CAPN11: variants seen among roughly 807,000 people sequenced by gnomAD.
CAPN11 encodes the protein calpain-11.
CAPN11 carries 108 observed loss-of-function variants against 105.3 expected under a neutral mutation model. The ratio of observed to expected loss-of-function variants is 1.03; its 90% CI spans 0.88 to 1.20. The LOEUF is 1.20. Ranked by LOEUF, CAPN11 falls within the 50% of genes most tolerant of loss-of-function variation. The probability of loss-of-function intolerance (pLI) is 0.00; values close to 1 mark genes in which losing one functional copy is unlikely to be tolerated. For synonymous variants in CAPN11, 329 were observed against 344.5 expected (o/e 0.96, Z 0.50); for missense variants, 883 against 924.8 (o/e 0.95, Z 0.59).
At chr6:44,183,408 C>G (rs368150462) in intron 21 of CAPN11, 173 bp downstream of exon 21, 3 of 618,298 alleles carry the variant, frequency 4.9e-6, no homozygotes, top group Non-Finnish European at 5.8e-6. Flanking sequence ...GAGCAAGTCA[C>G]TTAATCTTTC....
In CAPN11 at chr6:44,169,450, T is replaced by G. The variant is rs1485818527; in HGVS notation, c.258T>G (p.Pro86=). Reference sequence around the variant, plus strand: ...AGCTCTTCGAGGACCCCTTATTCCCTGCTGAACCCAGCTCACTGGGCTTCA... The same window carrying G: ...AGCTCTTCGAGGACCCCTTATTCCCGGCTGAACCCAGCTCACTGGGCTTCA... ...KGELFEDPLF[P]AEPSSLGFKD... Residue 86 remains proline (P), a synonymous_variant, in exon 3 of 23, where the codon CCT becomes CCG. Transcript: ENST00000398776. 2.5e-6 allele frequency: 4 copies of G among 1,612,334 alleles called. No homozygotes were observed. Among genetic ancestry groups the G allele is most frequent in the Non-Finnish European group, 3.4e-6 (4 of 1,179,338 alleles).
chr6:44,165,810 G>A (rs892829802), intron 1 of CAPN11, among the ~76,000 whole-genome samples: 4 of 152,168 alleles, frequency 2.6e-5, no homozygotes, highest in Admixed American at 6.5e-5. Context: ...CTGGCAAAGC[G>A]ATGTCCTGAA....
rs777226238 is a variant in CAPN11, at chr6:44,184,188, TCTCA to T, written c.*257_*260del. The T allele has an allele frequency of 5.0e-4, 286 of 570,418 alleles. 1 individual carries two copies. Among genetic ancestry groups the T allele is most frequent in the Non-Finnish European group, 8.0e-4 (255 of 319,316 alleles). 35.3% of individuals were successfully genotyped at this position (570,418 alleles called of 1,614,324 possible). ...GGCTGGCTTTCCCCCACCATCGCTCTCTCAGAGTATATTTTACTAAAGAGTAGTT... is the reference window on the plus strand; with the variant it reads ...GGCTGGCTTTCCCCCACCATCGCTCTGAGTATATTTTACTAAAGAGTAGTT... On this transcript the variant is annotated 3_prime_UTR_variant, in exon 23 of 23. Transcript: ENST00000398776.
At position 44,164,841 on chromosome 6, in the gene CAPN11, G is replaced by A. The variant is rs142097272; in HGVS notation, c.17-1917G>A. 9.3e-4 allele frequency among the ~76,000 whole-genome samples: 141 copies of A among 151,956 alleles called. 1 individual carries two copies. The East Asian group carries it at 0.018, about 19-fold the overall frequency. On this transcript the variant is annotated intron_variant, in intron 1 of 22. Transcript: ENST00000398776. ...ATCTAAAGTACTGGGGAGGGGGAGC[G>A]GTATGTATAATCAGGTTTGCATTTT...
chr6:44,177,120 C>G lies in CAPN11; in HGVS notation c.1237+122C>G. 4 of 1,465,766 alleles carry G rather than the reference C, an allele frequency of 2.7e-6. No homozygotes were observed. The East Asian group carries it at 9.3e-5, about 34-fold the overall frequency. 90.8% of individuals were successfully genotyped at this position (1,465,766 alleles called of 1,614,324 possible). A position where few individuals can be genotyped will look rare whatever the true frequency, so the allele number is the denominator to read the frequency against. On this transcript the variant is annotated intron_variant, in intron 11 of 22. Coordinates refer to ENST00000398776, the MANE Select transcript of CAPN11 (RefSeq NM_007058.4). ...AGGGTCCATGAGGTCAAGGGTTAGT[C>G]AGATTTCACAGCCCCTGTGGAGGAG...
At chr6:44,167,497 CAAAAAAAAAAAAA>C (rs61107654) in intron 2 of CAPN11, among the ~76,000 whole-genome samples, 1 of 27,074 alleles carries the variant, frequency 3.7e-5, no homozygotes, top group Admixed American at 4.4e-4. Flanking sequence ...GACTCCATCT[CAAAAAAAAAAAAA>C]AAAAAAAAAA....
chr6:44,182,756 TAGAGACGGGGTTTCGTC>T (rs1446480675), intron 19 of CAPN11, among the ~76,000 whole-genome samples, 168 bp from the exon 20 acceptor site: 1 of 152,122 alleles, frequency 6.6e-6, no homozygotes, highest in Non-Finnish European at 1.5e-5. Flanking sequence ...GTAGTTTTAT[TAGAGACGGGGTTTCGTC>T]ATGTTGGCCA....
At chr6:44,163,628 C>T (rs1252532424) in intron 1 of CAPN11, among the ~76,000 whole-genome samples, 3 of 152,146 alleles carry the variant, frequency 2.0e-5, no homozygotes, top group Non-Finnish European at 2.9e-5. Context: ...TGGGATGATT[C>T]AATCAGCTAA....
At chr6:44,165,734 GA>G (rs1769706914) in intron 1 of CAPN11, among the ~76,000 whole-genome samples, 1 of 152,198 alleles carries the variant, frequency 6.6e-6, no homozygotes. Flanking sequence ...GGGTCAAAGG[GA>G]TGGGTCTGTA....
chr6:44,184,332 A>C lies in CAPN11; in HGVS notation c.*400A>C. 4.4e-6 allele frequency: 1 copy of C among 229,386 alleles called. No homozygotes were observed. Among genetic ancestry groups the C allele is most frequent in the Non-Finnish European group, 8.7e-6 (1 of 115,424 alleles). 14.2% of individuals were successfully genotyped at this position (229,386 alleles called of 1,614,324 possible). ...GCTCACACCTACCTGCTGACCACCCATCCTGGCACAGCCTCTGTTTTCCTC... is the reference window on the plus strand; with the variant it reads ...GCTCACACCTACCTGCTGACCACCCCTCCTGGCACAGCCTCTGTTTTCCTC... On this transcript the variant is annotated 3_prime_UTR_variant, in exon 23 of 23. Transcript: ENST00000398776.
At position 44,181,008 on chromosome 6, in the gene CAPN11, G is replaced by A; in HGVS notation, c.1869+11G>A. On this transcript the variant is annotated intron_variant, in intron 18 of 22. Coordinates refer to ENST00000398776, the MANE Select transcript of CAPN11 (RefSeq NM_007058.4). ...ATCAACCTCATGGATGTATCCTCCT[G>A]TCCAGTGCTCTCTTGGCCCTGTCCC... 1 of 1,611,086 alleles carries A rather than the reference G, an allele frequency of 6.2e-7. No individual in the cohort carries two copies. The highest frequency in any genetic ancestry group is 8.5e-7 in the Non-Finnish European group (1 of 1,177,440).
intron 21 of CAPN11, 49 bp downstream of exon 21, chr6:44,183,284 C>T (rs754648647): frequency 1.6e-6 from 2 of 1,249,088 alleles, no homozygotes; most frequent in Non-Finnish European, 2.4e-6. Context: ...GGGCCGCGGG[C>T]CCTTTCCCAA....
chr6:44,180,039 C>T lies in CAPN11; in HGVS notation c.1516C>T (p.Arg506Trp), dbSNP rs369796036. 19 of 1,612,668 alleles carry T rather than the reference C, an allele frequency of 1.2e-5. No homozygotes were observed. The highest frequency in any genetic ancestry group is 1.1e-4 in the African/African-American group (8 of 74,868). The change falls in exon 14 of 23, where the codon CGG becomes TGG. Residue 506 changes from arginine to tryptophan, a missense_variant. Coordinates refer to ENST00000398776, the MANE Select transcript of CAPN11 (RefSeq NM_007058.4). ...CTTCTCAGAGATCTTCACCAACTCA[C>T]GGGAGGTGAGCAGCCAACTCCGGCT... ...HGFSEIFTNS[R>W]EVSSQLRLPP...
intron 7 of CAPN11, among the ~76,000 whole-genome samples, chr6:44,173,813 A>G (rs992291642): frequency 4.0e-5 from 6 of 151,830 alleles, no homozygotes; most frequent in African/African-American, 1.5e-4. Flanking sequence ...CGAACTCCTG[A>G]CCTCAACTGA....
rs765871453 is a variant in CAPN11 at position 44,173,358 on chromosome 6, G to A, written c.803G>A (p.Arg268Gln). 1.7e-5 allele frequency: 27 copies of A among 1,612,420 alleles called. No individual in the cohort carries two copies. The highest frequency in any genetic ancestry group is 8.8e-5 in the South Asian group (8 of 90,986). ...AGGCTCCTTAGGAAGGCCGTGGAGC[G>A]ATCCTCCCTCATGGGTTGCTCCATT... ...LLRLLRKAVE[R>Q]SSLMGCSIEV... Residue 268 changes from arginine to glutamine, a missense_variant, in exon 7 of 23, where the codon CGA (arginine) becomes CAA (glutamine). Physicochemically the swap from Arg to Gln is conservative, Grantham distance 43. Transcript: ENST00000398776.
Position 44,169,941 on chromosome 6 carries a change from G to A in CAPN11, c.375G>A (p.Gly125=), listed in dbSNP as rs752979547. ...IINNPLFIMD[G]ISPTDICQGI... ...ACAACCCTCTATTCATCATGGATGG[G>A]ATTTCTCCAACAGACATCTGCCAGG... The change falls in exon 4 of 23, where the codon GGG becomes GGA. Residue 125 remains glycine, a synonymous_variant. Coordinates refer to ENST00000398776, the MANE Select transcript of CAPN11 (RefSeq NM_007058.4). 1.9e-6 allele frequency: 3 copies of A among 1,612,316 alleles called. No individual in the cohort carries two copies. Among genetic ancestry groups the A allele is most frequent in the Admixed American group, 3.3e-5 (2 of 59,766 alleles).
Position 44,176,183 on chromosome 6 carries a change from G to T in CAPN11, c.915+32G>T, listed in dbSNP as rs201410481. The T allele has an allele frequency of 1.3e-4, 175 of 1,387,184 alleles. No individual in the cohort carries two copies. In the African/African-American group the frequency reaches 2.6e-3, roughly 21 times the overall value. The allele number at this position is 1,387,184 out of a possible 1,614,324, so 85.9% of individuals were successfully genotyped here. A position where few individuals can be genotyped will look rare whatever the true frequency, so the allele number is the denominator to read the frequency against. ...CCTGAGAAATGCGCCCTACCCTGAG[G>T]ACCCTGAGAAGGAGGAGAACGTCTC... On this transcript the variant is annotated intron_variant, in intron 8 of 22. Coordinates refer to ENST00000398776, the MANE Select transcript of CAPN11 (RefSeq NM_007058.4).
rs780207703 is a variant in CAPN11, at chr6:44,181,296, G to A, written c.1914G>A (p.Leu638=). The change falls in exon 19 of 23, where the codon CTG becomes CTA. Residue 638 remains leucine, a synonymous_variant. Coordinates refer to ENST00000398776, the MANE Select transcript of CAPN11 (RefSeq NM_007058.4). ...GKLGLLEFKI[L]WKKLKKWMDI... The stretch of plus-strand genomic sequence containing the variant: ...TGGGGCTTCTAGAGTTCAAGATCCT[G>A]TGGAAAAAACTCAAGAAATGGATGG... 2.5e-6 allele frequency: 4 copies of A among 1,613,464 alleles called. No homozygotes were observed. The highest frequency in any genetic ancestry group is 1.7e-5 in the Admixed American group (1 of 59,966).
At chr6:44,171,070 G>A (rs1351691048) in intron 4 of CAPN11, among the ~76,000 whole-genome samples, 12 of 152,170 alleles carry the variant, frequency 7.9e-5, no homozygotes, top group Admixed American at 7.9e-4. Flanking sequence ...TGGGCTGGAG[G>A]AGGGAATTCA....
Sources: gnomAD v4.1 joint callset for allele counts (sites outside exome capture counted in the v4.1 genomes callset) on GRCh38, gnomAD v4.1.1 for gene constraint, MANE v1.5 for transcripts, NCBI Gene and HGNC (gene_info 2026-07-23, HGNC 2026-07-21) for gene names.